Variants in GSDME observed in about 807,000 individuals in gnomAD.
GSDME encodes the protein gasdermin E.
GSDME carries 44 observed loss-of-function variants against 47.5 expected under a neutral mutation model. That is an observed-to-expected ratio of 0.93 (90% CI 0.73 to 1.19). The LOEUF (loss-of-function observed/expected upper bound fraction) is 1.19. GSDME is among the 50% of genes most tolerant of loss of function. The pLI, the probability that GSDME is intolerant of heterozygous loss-of-function variation, is 0.00. For synonymous variants in GSDME, 258 were observed against 252.8 expected, an observed-to-expected ratio of 1.02 and a Z score of -0.20; for missense variants, 663 against 604.2, an observed-to-expected ratio of 1.10 and a Z score of -1.02.
chr7:24,733,566 C>T lies in GSDME; in HGVS notation c.404+10996G>A, dbSNP rs1790211032. Among the ~76,000 whole-genome samples, 1 of 152,100 alleles carries T rather than the reference C, an allele frequency of 6.6e-6. No individual in the cohort carries two copies. Among genetic ancestry groups the T allele is most frequent in the Non-Finnish European group, 1.5e-5 (1 of 68,014 alleles). On this transcript the variant is annotated intron_variant, in intron 3 of 9. Transcript: ENST00000645220. This position sits in a 1 kb window ranked among gnomAD's most constrained non-coding sequence, Gnocchi z 4.3. ...GACCCCACTGCCCTGAAGAGTGCGT[C>T]TCAAACCTGCCAGCATTCACCACAA...
At chr7:24,790,113 A>G in the GSDME span, among the ~76,000 whole-genome samples, 8 of 152,180 alleles carry the variant, frequency 5.3e-5, no homozygotes, top group South Asian at 2.1e-4. The surrounding 1 kb of genome is among the most constrained non-coding windows in gnomAD (Gnocchi z 4.1). Flanking sequence ...TTGATCATCT[A>G]TATGTAGACA....
In GSDME at chr7:24,699,073, AAAG is replaced by A. The variant is rs1186735011; in HGVS notation, c.1441_1443del (p.Leu481del). On this transcript the variant is annotated inframe_deletion, in exon 10 of 10. Coordinates refer to ENST00000645220, the MANE Select transcript of GSDME (RefSeq NM_001127453.2). ...GCACAGAGTCCATTCAGGGTTATAC[AAAG>A]AAGCAGTGGGAAGACTTTAGAGTCC... 5.0e-6 allele frequency: 8 copies of A among 1,614,064 alleles called. No homozygotes were observed. The highest frequency in any genetic ancestry group is 1.3e-5 in the African/African-American group (1 of 74,944).
chr7:24,761,315 G>A (rs1034802847), upstream of GSDME, among the ~76,000 whole-genome samples: 6 of 152,206 alleles, frequency 3.9e-5, no homozygotes, highest in Non-Finnish European at 7.3e-5. The surrounding 1 kb of genome is among the most constrained non-coding windows in gnomAD (Gnocchi z 4.4). Context: ...ATAAACAACA[G>A]GACTTTATTT....
chr7:24,734,273 C>G (rs764962997), intron 3 of GSDME, among the ~76,000 whole-genome samples: 1 of 152,178 alleles, frequency 6.6e-6, no homozygotes, highest in Non-Finnish European at 1.5e-5. Context: ...ACTTGGATGA[C>G]AACACCCAAG....
intron 3 of GSDME, among the ~76,000 whole-genome samples, chr7:24,737,368 T>TCTA (rs1349322648): frequency 1.3e-5 from 2 of 151,900 alleles, no homozygotes; most frequent in Non-Finnish European, 2.9e-5. Context: ...TATGAGTAAC[T>TCTA]ATACACCAAT....
intron 3 of GSDME, among the ~76,000 whole-genome samples, chr7:24,723,026 C>T (rs1450592041): frequency 6.6e-6 from 1 of 152,204 alleles, no homozygotes; most frequent in Non-Finnish European, 1.5e-5. Context: ...GGGAATCCTT[C>T]CCTGGGCAAC....
At chr7:24,719,345 A>C (rs1789690479) in intron 3 of GSDME, 127 bp from the exon 4 acceptor site, 120 of 1,034,944 alleles carry the variant, frequency 1.2e-4, no homozygotes, top group Non-Finnish European at 1.5e-4. Flanking sequence ...TGATTTCCTC[A>C]TGATGAAAGG....
intron 8 of GSDME, 28 bp from the exon 9 acceptor site, chr7:24,702,861 G>T: frequency 1.2e-6 from 2 of 1,605,628 alleles, no homozygotes; most frequent in Non-Finnish European, 1.7e-6. Context: ...CACAGTCACA[G>T]TCCAAAAAAA....
chr7:24,787,830 C>T, the GSDME span, among the ~76,000 whole-genome samples: 2 of 152,286 alleles, frequency 1.3e-5, no homozygotes, highest in South Asian at 4.2e-4. The surrounding 1 kb of genome is among the most constrained non-coding windows in gnomAD (Gnocchi z 5.0). Flanking sequence ...CCTCAGCCTC[C>T]TGAGTAGCTG....
chr7:24,755,076 G>C (rs1790972649), intron 1 of GSDME, among the ~76,000 whole-genome samples: 1 of 152,204 alleles, frequency 6.6e-6, no homozygotes, highest in Non-Finnish European at 1.5e-5. Flanking sequence ...AAGATGTTAA[G>C]TAACTTGCCC....
the GSDME span, among the ~76,000 whole-genome samples, chr7:24,788,518 G>A: frequency 2.6e-5 from 4 of 152,224 alleles, no homozygotes; most frequent in Admixed American, 2.6e-4. The surrounding 1 kb of genome is among the most constrained non-coding windows in gnomAD (Gnocchi z 4.6). Flanking sequence ...CAAACCATCT[G>A]AGTTGGATTC....
chr7:24,704,072 A>G (rs923775581), intron 8 of GSDME: 1 of 152,248 alleles, frequency 6.6e-6, no homozygotes, highest in Non-Finnish European at 1.5e-5. Context: ...CTAGGGGCAC[A>G]GAAATGAAAG....
the GSDME span, among the ~76,000 whole-genome samples, chr7:24,784,849 C>T: frequency 4.6e-5 from 7 of 151,992 alleles, no homozygotes; most frequent in African/African-American, 9.7e-5. Context: ...TGTGAGCCAC[C>T]GCGCCCGGAC....
In GSDME at chr7:24,703,041, G is replaced by C. The variant is rs80124647; in HGVS notation, c.1184-208C>G. On this transcript the variant is annotated intron_variant, in intron 8 of 9. Transcript: ENST00000645220. ...AACAGATGTAGGAACCCAGCTGCCA[G>C]CTCTGCATTCCACAGAGGATACTCC... The C allele has an allele frequency of 0.021, 10,547 of 506,646 alleles. 179 individuals are homozygous for C. The highest frequency in any genetic ancestry group is 0.028 in the Non-Finnish European group (7,419 of 268,468). The allele number at this position is 506,646 out of a possible 1,614,324, so 31.4% of individuals were successfully genotyped here.
chr7:24,719,323 G>A (rs1027939359), intron 3 of GSDME, 105 bp from the exon 4 acceptor site: 2 of 1,236,312 alleles, frequency 1.6e-6, no homozygotes, highest in Non-Finnish European at 2.3e-6. Flanking sequence ...GCAGGTGACA[G>A]CCAGGCTTTG....
chr7:24,710,094 A>ATC, intron 6 of GSDME, 130 bp downstream of exon 6: 1 of 1,035,520 alleles, frequency 9.7e-7, no homozygotes, highest in Non-Finnish European at 1.5e-6. Context: ...CCTCGGCGGC[A>ATC]TCACCTCTCT....
the GSDME span, among the ~76,000 whole-genome samples, chr7:24,791,187 G>T: frequency 1.3e-5 from 2 of 152,084 alleles, no homozygotes; most frequent in African/African-American, 4.8e-5. This position sits in a 1 kb window ranked among gnomAD's most constrained non-coding sequence, Gnocchi z 4.8. Context: ...ACAGTCTGGG[G>T]TCCTTTTCAC....
At chr7:24,715,842 C>T (rs1381146461) in intron 5 of GSDME, among the ~76,000 whole-genome samples, 1 of 152,220 alleles carries the variant, frequency 6.6e-6, no homozygotes, top group Non-Finnish European at 1.5e-5. Flanking sequence ...CTTTCTCTTT[C>T]TGTCACCTCA....
At chr7:24,749,522 C>A (rs1433069926) in intron 2 of GSDME, 42 bp downstream of exon 2, 5 of 1,365,976 alleles carry the variant, frequency 3.7e-6, no homozygotes, top group East Asian at 4.6e-5. Flanking sequence ...AAAGGATCAT[C>A]CTTTCCGAGA....
Sources: gnomAD v4.1 joint callset for allele counts (sites outside exome capture counted in the v4.1 genomes callset) on GRCh38, gnomAD v4.1.1 for gene constraint, Gnocchi (gnomAD v3.1) non-coding constraint, MANE v1.5 for transcripts, NCBI Gene and HGNC (gene_info 2026-07-23, HGNC 2026-07-21) for gene names.